The following BICRAL variants were observed in gnomAD, a reference collection of about 807,000 sequenced individuals.
BICRAL encodes the protein BICRA like chromatin remodeling complex associated protein.
In BICRAL, 8 loss-of-function variants were observed where a neutral mutation model predicts 91.8. The observed-to-expected ratio is 0.09, with a 90% CI of 0.05 to 0.16. The LOEUF (loss-of-function observed/expected upper bound fraction) is 0.16, where lower values mean the gene tolerates loss of function less well. Ranked by LOEUF, BICRAL falls within the 10% of genes least tolerant of loss-of-function variation. The probability of loss-of-function intolerance (pLI) is 1.00; values close to 1 mark genes in which losing one functional copy is unlikely to be tolerated. For missense variants in BICRAL, 1,038 were observed against 1,310.9 expected (o/e 0.79, Z 3.21); for synonymous variants, 445 against 491.1 (o/e 0.91, Z 1.24).
chr6:42,852,687 AAGAT>A (rs1258832671), intron 7 of BICRAL, among the ~76,000 whole-genome samples: 1 of 151,606 alleles, frequency 6.6e-6, no homozygotes, highest in Non-Finnish European at 1.5e-5. Context: ...AAACCCCACT[AAGAT>A]AGCATCAATT....
intron 1 of BICRAL, among the ~76,000 whole-genome samples, chr6:42,808,417 A>C (rs1763771257): frequency 6.6e-6 from 1 of 152,216 alleles, no homozygotes; most frequent in Admixed American, 6.6e-5. Flanking sequence ...GGCAAGAGCC[A>C]CTGTGCCCAG....
chr6:42,829,171 G>T lies in BICRAL; in HGVS notation c.838G>T (p.Val280Phe). The change falls in exon 6 of 13, where the codon GTT (valine) becomes TTT (phenylalanine). Residue 280 changes from valine (V) to phenylalanine (F), a missense_variant. Val to Phe is a conservative substitution (Grantham distance 50, BLOSUM62 -1). Coordinates refer to ENST00000314073, the MANE Select transcript of BICRAL (RefSeq NM_001393499.1). ...SSSPVAQPVTVPFNSTNFQTS... is the reference protein window; with the variant it reads ...SSSPVAQPVTFPFNSTNFQTS... The stretch of plus-strand genomic sequence containing the variant: ...CAGTCCAGTAGCACAGCCTGTTACC[G>T]TTCCATTTAACAGCACAAATTTTCA... 2 of 1,614,018 alleles carry T rather than the reference G, an allele frequency of 1.2e-6. No homozygotes were observed. The highest frequency in any genetic ancestry group is 2.2e-5 in the South Asian group (2 of 91,076).
chr6:42,855,900 G>A lies in BICRAL; in HGVS notation c.2091G>A (p.Gln697=), dbSNP rs150674519. 4.7e-4 allele frequency: 765 copies of A among 1,613,620 alleles called. 2 individuals are homozygous for A. Among genetic ancestry groups the A allele is most frequent in the Non-Finnish European group, 4.8e-4 (567 of 1,179,568 alleles). Residue 697 remains glutamine, a synonymous_variant, in exon 9 of 13, where the codon CAG becomes CAA. Coordinates refer to ENST00000314073, the MANE Select transcript of BICRAL (RefSeq NM_001393499.1). The part of the protein sequence containing the change: ...SGGQKRPAAK[Q]LTKGAFILQQ... Reference sequence around the variant, plus strand: ...GACAAAAAAGGCCTGCTGCGAAACAGCTAACGAAAGGAGCTTTGTGAGTTA... The same window carrying A: ...GACAAAAAAGGCCTGCTGCGAAACAACTAACGAAAGGAGCTTTGTGAGTTA...
intron 1 of BICRAL, among the ~76,000 whole-genome samples, chr6:42,783,111 G>A (rs1247056687): frequency 1.3e-5 from 2 of 151,034 alleles, no homozygotes; most frequent in African/African-American, 4.9e-5. Flanking sequence ...GAGAGCTCGG[G>A]GCAGGCGAGT....
At chr6:42,858,947 CCCT>C (rs1765470784) in intron 10 of BICRAL, among the ~76,000 whole-genome samples, 1 of 152,140 alleles carries the variant, frequency 6.6e-6, no homozygotes, top group Non-Finnish European at 1.5e-5. Context: ...TGTATCAGTG[CCCT>C]CCTCTTTTCT....
At position 42,828,713 on chromosome 6, in the gene BICRAL, A is replaced by T; in HGVS notation, c.380A>T (p.Asp127Val). The change falls in exon 6 of 13, where the codon GAT (aspartate) becomes GTT (valine). Residue 127 changes from aspartate (D) to valine (V), a missense_variant. Physicochemically the swap from Asp to Val is radical, Grantham distance 152. Coordinates refer to ENST00000314073, the MANE Select transcript of BICRAL (RefSeq NM_001393499.1). ...EQTLAEEAYL[D>V]ASIGSSQQFA... ...ACATTGGCAGAAGAGGCATATTTGG[A>T]TGCCAGTATAGGTTCAAGCCAACAG... 1 of 1,614,184 alleles carries T rather than the reference A, an allele frequency of 6.2e-7. No individual in the cohort carries two copies. Among genetic ancestry groups the T allele is most frequent in the East Asian group, 2.2e-5 (1 of 44,876 alleles).
chr6:42,851,136 G>A (rs1267957019), intron 6 of BICRAL, among the ~76,000 whole-genome samples: 1 of 152,174 alleles, frequency 6.6e-6, no homozygotes, highest in East Asian at 1.9e-4. Context: ...AGTGAGTCGA[G>A]ATCGTGCCAC....
chr6:42,821,120 C>T (rs1300647502), intron 2 of BICRAL: 1 of 152,254 alleles, frequency 6.6e-6, no homozygotes, highest in Admixed American at 6.5e-5. Flanking sequence ...TCCAACTGCT[C>T]CAGAACTCTT....
chr6:42,822,057 T>G lies in BICRAL; in HGVS notation c.35T>G (p.Leu12Arg), dbSNP rs2113940514. 6.2e-7 allele frequency: 1 copy of G among 1,605,112 alleles called. No individual in the cohort carries two copies. The highest frequency in any genetic ancestry group is 1.1e-5 in the South Asian group (1 of 90,676). The change falls in exon 3 of 13, where the codon CTT (leucine) becomes CGT (arginine). Residue 12 changes from leucine to arginine, a missense_variant. Coordinates refer to ENST00000314073, the MANE Select transcript of BICRAL (RefSeq NM_001393499.1). ...DDDDDSCLLD[L>R]IGDPQALNYF... Reference sequence around the variant, plus strand: ...GATGATGACTCGTGTCTCCTTGATCTTATTGGGTAAGATGCTTATTCCAAA... The same window carrying G: ...GATGATGACTCGTGTCTCCTTGATCGTATTGGGTAAGATGCTTATTCCAAA...
chr6:42,789,219 T>C (rs1413935910), intron 1 of BICRAL, among the ~76,000 whole-genome samples: 1 of 152,218 alleles, frequency 6.6e-6, no homozygotes, highest in Non-Finnish European at 1.5e-5. Context: ...TGTGAATGTA[T>C]GTAATGCCAC....
intron 6 of BICRAL, among the ~76,000 whole-genome samples, chr6:42,850,532 A>C (rs75921499): frequency 2.0e-5 from 3 of 151,708 alleles, no homozygotes; most frequent in South Asian, 2.1e-4. Flanking sequence ...AAAAAAAAAA[A>C]CAAGAAAAAA....
Position 42,833,328 on chromosome 6 carries a change from G to A in BICRAL, c.1839+3156G>A, listed in dbSNP as rs1344067740. Among the ~76,000 whole-genome samples, 9 of 152,086 alleles carry A rather than the reference G, an allele frequency of 5.9e-5. No homozygotes were observed. In the South Asian group the frequency reaches 1.0e-3, roughly 18 times the overall value. On this transcript the variant is annotated intron_variant, in intron 6 of 12. Transcript: ENST00000314073. ...CTCCCAAAGTGCTGGGATTACAGGC[G>A]TGAGCCACCGCGCCCGGCCCAGGCT...
chr6:42,843,785 G>A (rs1055370188), intron 6 of BICRAL, among the ~76,000 whole-genome samples: 1 of 145,236 alleles, frequency 6.9e-6, no homozygotes, highest in African/African-American at 2.6e-5. Flanking sequence ...GGATTGATCA[G>A]CATATAAATT....
chr6:42,801,266 A>G lies in BICRAL; in HGVS notation c.-101-9040A>G, dbSNP rs551898720. On this transcript the variant is annotated intron_variant, in intron 1 of 12. Transcript: ENST00000314073. ...ACTCTGTTTAAAAAAAAAAAAAAAA[A>G]AGAGAGCGAGAGAGAGAAATCTACA... Among the ~76,000 whole-genome samples the G allele has an allele frequency of 7.3e-5, 11 of 151,676 alleles. No homozygotes were observed. The East Asian group carries it at 7.7e-4, about 11-fold the overall frequency.
chr6:42,811,112 A>T (rs1289390485), intron 2 of BICRAL, among the ~76,000 whole-genome samples: 1 of 152,162 alleles, frequency 6.6e-6, no homozygotes, highest in Non-Finnish European at 1.5e-5. Flanking sequence ...GAAATGGTGA[A>T]AATCAGACAC....
chr6:42,828,412 AAAAAGT>A, intron 5 of BICRAL, 75 bp from the exon 6 acceptor site: 1 of 1,344,376 alleles, frequency 7.4e-7, no homozygotes, highest in Non-Finnish European at 1.0e-6. Context: ...AAAAAAAAAA[AAAAAGT>A]AAAAGTAAGA....
chr6:42,822,870 A>G, intron 4 of BICRAL, 26 bp downstream of exon 4: 1 of 1,516,654 alleles, frequency 6.6e-7, no homozygotes, highest in Non-Finnish European at 9.2e-7. Context: ...AATACCACAG[A>G]CATCTATTTT....
intron 1 of BICRAL, among the ~76,000 whole-genome samples, chr6:42,783,992 G>T (rs973177047): frequency 1.3e-5 from 2 of 152,134 alleles, no homozygotes; most frequent in African/African-American, 4.8e-5. Context: ...CCAGGACATT[G>T]TCTGTCTGCC....
intron 3 of BICRAL, 113 bp downstream of exon 3, chr6:42,822,176 A>G: frequency 3.1e-6 from 2 of 640,868 alleles, no homozygotes; most frequent in African/African-American, 1.9e-5. Flanking sequence ...AAATTAAATA[A>G]TAATCATAGG....
Sources: gnomAD v4.1 joint callset for allele counts (sites outside exome capture counted in the v4.1 genomes callset) on GRCh38, gnomAD v4.1.1 for gene constraint, MANE v1.5 for transcripts, NCBI Gene and HGNC (gene_info 2026-07-23, HGNC 2026-07-21) for gene names.